SPATA6: variants seen among roughly 807,000 people sequenced by gnomAD.
The protein encoded by SPATA6 is spermatogenesis associated 6.
SPATA6 carries 56 observed loss-of-function variants against 65.3 expected under a neutral mutation model. That is an observed-to-expected ratio of 0.86 (90% CI 0.69 to 1.07). The LOEUF (loss-of-function observed/expected upper bound fraction) is 1.07, where lower values mean the gene tolerates loss of function less well. Among genes scored for constraint, SPATA6 ranks in the 50% least tolerant of loss-of-function variants. The pLI, the probability that SPATA6 is intolerant of heterozygous loss-of-function variation, is 0.00. For missense variants in SPATA6, 590 were observed against 594.8 expected, an observed-to-expected ratio of 0.99 and a Z score of 0.08; for synonymous variants, 199 against 213.2, an observed-to-expected ratio of 0.93 and a Z score of 0.58.
At chr1:48,439,208 T>C (rs1404381016) in intron 3 of SPATA6, among the ~76,000 whole-genome samples, 1 of 152,186 alleles carries the variant, frequency 6.6e-6, no homozygotes, top group Admixed American at 6.5e-5. Context: ...TTCTCGGTAC[T>C]CTTTGTGGTC....
rs370238723 is a variant in SPATA6 at position 48,451,167 on chromosome 1, T to C, written c.238+385A>G. Among the ~76,000 whole-genome samples, 19 of 152,356 alleles carry C rather than the reference T, an allele frequency of 1.2e-4. No individual in the cohort carries two copies. The East Asian group carries it at 3.3e-3, about 26-fold the overall frequency. On this transcript the variant is annotated intron_variant, in intron 3 of 12. Transcript: ENST00000371847. ...TTAAGCTACCATTACTTTGATCTGT[T>C]ATTCACTCTCTTGACTTGAAATACA...
At chr1:48,437,711 G>T (rs1655068148) in intron 3 of SPATA6, among the ~76,000 whole-genome samples, 1 of 151,720 alleles carries the variant, frequency 6.6e-6, no homozygotes, top group Non-Finnish European at 1.5e-5. Context: ...TTTTTCTTCT[G>T]TTAATACTTA....
chr1:48,279,206 G>A, the SPATA6 span, among the ~76,000 whole-genome samples: 16 of 152,106 alleles, frequency 1.1e-4, no homozygotes, highest in African/African-American at 2.2e-4. Flanking sequence ...AGGAACAACC[G>A]GTATCAGCCA....
In SPATA6 at chr1:48,399,653, A is replaced by G. The variant is rs1305241559; in HGVS notation, c.487-9T>C. ...TGGTAAATAAATTTATCCTAAACAT[A>G]AAAAATAAAAATTAACTTGGTCAAA... is the stretch of plus-strand genomic sequence containing the variant. On this transcript the variant is annotated splice_polypyrimidine_tract_variant and intron_variant, in intron 6 of 12. Coordinates refer to ENST00000371847, the MANE Select transcript of SPATA6 (RefSeq NM_019073.4). 1 of 1,551,138 alleles carries G rather than the reference A, an allele frequency of 6.4e-7. No individual in the cohort carries two copies. The highest frequency in any genetic ancestry group is 1.2e-5 in the South Asian group (1 of 81,350).
At position 48,385,338 on chromosome 1, in the gene SPATA6, G is replaced by A. The variant is rs144534669; in HGVS notation, c.880C>T (p.Leu294Phe). The A allele has an allele frequency of 1.7e-5, 28 of 1,608,394 alleles. 1 individual carries two copies. The highest frequency in any genetic ancestry group is 1.5e-4 in the African/African-American group (11 of 74,870). The change falls in exon 9 of 13, where the codon CTT (leucine) becomes TTT (phenylalanine). Residue 294 changes from leucine to phenylalanine, a missense_variant. Coordinates refer to ENST00000371847, the MANE Select transcript of SPATA6 (RefSeq NM_019073.4). ...WSRVHNDHSH[L>F]GCCRPKDYKV... ...TAATCCTTGGGTCGGCAGCAGCCAA[G>A]ATGAGAATGATCTGAAAAAGGAAGT...
chr1:48,300,993 G>A (rs1236470413), intron 12 of SPATA6, among the ~76,000 whole-genome samples: 1 of 151,984 alleles, frequency 6.6e-6, no homozygotes, highest in Non-Finnish European at 1.5e-5. Flanking sequence ...GGACAAAGAT[G>A]CCCACTTTCG....
chr1:48,331,551 A>T (rs1645914759), intron 11 of SPATA6, among the ~76,000 whole-genome samples: 1 of 151,772 alleles, frequency 6.6e-6, no homozygotes, highest in Non-Finnish European at 1.5e-5. Context: ...AATGAACAGA[A>T]CCTCCTGGAA....
intron 12 of SPATA6, among the ~76,000 whole-genome samples, chr1:48,304,083 A>G (rs1001210712): frequency 1.5e-4 from 23 of 152,330 alleles, no homozygotes; most frequent in African/African-American, 4.6e-4. Context: ...AACCTTTGAG[A>G]TGGAAAGCAG....
chr1:48,267,752 GTTTTTTTTTTTTTTT>G, the SPATA6 span, among the ~76,000 whole-genome samples: 1 of 72,676 alleles, frequency 1.4e-5, no homozygotes, highest in African/African-American at 5.6e-5. Context: ...TAGGGTCTGG[GTTTTTTTTTTTTTTT>G]TTTTTTTTTT....
At chr1:48,346,757 C>G (rs1646376545) in intron 11 of SPATA6, among the ~76,000 whole-genome samples, 1 of 151,872 alleles carries the variant, frequency 6.6e-6, no homozygotes, top group African/African-American at 2.4e-5. Context: ...TACAGCTAAC[C>G]AGGGAGGTGA....
At chr1:48,403,757 C>T (rs116465190) in intron 6 of SPATA6, 45 bp downstream of exon 6, 1 of 1,472,338 alleles carries the variant, frequency 6.8e-7, no homozygotes, top group Non-Finnish European at 9.2e-7. Context: ...ACAAATATGA[C>T]CAAATAAATT....
rs897648344 is a variant in SPATA6 at position 48,314,566 on chromosome 1, C to A, written c.1195-8688G>T. Among the ~76,000 whole-genome samples, 21 of 152,142 alleles carry A rather than the reference C, an allele frequency of 1.4e-4. 1 individual carries two copies. Among genetic ancestry groups the A allele is most frequent in the African/African-American group, 5.1e-4 (21 of 41,440 alleles). On this transcript the variant is annotated intron_variant, in intron 11 of 12. Transcript: ENST00000371847. ...ACTGTGTAGCGGGAAATTTATAGCA[C>A]TAAATGCCCACAAGAGAAAGCAGGA...
chr1:48,446,258 G>A lies in SPATA6; in HGVS notation c.238+5294C>T, dbSNP rs185860678. On this transcript the variant is annotated intron_variant, in intron 3 of 12. Transcript: ENST00000371847. The stretch of plus-strand genomic sequence containing the variant: ...TCACTGAAAAAGAAATCACTCTACT[G>A]CCGTGCCAGTGGTATATACTGAAAA... Among the ~76,000 whole-genome samples, 225 of 152,266 alleles carry A rather than the reference G, an allele frequency of 1.5e-3. 3 individuals are homozygous for A. The highest frequency in any genetic ancestry group is 5.2e-3 in the African/African-American group (215 of 41,550).
At chr1:48,315,501 A>G (rs1448660082) in intron 11 of SPATA6, among the ~76,000 whole-genome samples, 1 of 152,220 alleles carries the variant, frequency 6.6e-6, no homozygotes, top group East Asian at 1.9e-4. Flanking sequence ...CCTTCATGCT[A>G]AAAACTCTCA....
At chr1:48,361,482 A>G (rs969388157) in intron 9 of SPATA6, among the ~76,000 whole-genome samples, 3 of 152,168 alleles carry the variant, frequency 2.0e-5, no homozygotes, top group Non-Finnish European at 4.4e-5. Flanking sequence ...GTTGAATTCA[A>G]GAGAGAATAA....
the SPATA6 span, among the ~76,000 whole-genome samples, chr1:48,279,780 G>C: frequency 3.3e-5 from 5 of 152,080 alleles, no homozygotes; most frequent in Non-Finnish European, 5.9e-5. Context: ...CAACGAGACA[G>C]AAAGTTAACA....
At chr1:48,414,680 T>C (rs78063043) in intron 3 of SPATA6, among the ~76,000 whole-genome samples, 8,422 of 152,252 alleles carry the variant, frequency 0.055, 331 homozygotes, top group African/African-American at 0.1. Flanking sequence ...AACCTGATCA[T>C]AGGACTGTAG....
chr1:48,280,007 T>C, the SPATA6 span, among the ~76,000 whole-genome samples: 1 of 152,114 alleles, frequency 6.6e-6, no homozygotes, highest in Non-Finnish European at 1.5e-5. Flanking sequence ...GCAATCAAAC[T>C]AGAACTCAGG....
intron 1 of SPATA6, among the ~76,000 whole-genome samples, chr1:48,471,201 G>A (rs1176582672): frequency 6.6e-6 from 1 of 152,218 alleles, no homozygotes; most frequent in Non-Finnish European, 1.5e-5. Flanking sequence ...GACTTCCACA[G>A]GAGGATGGAG....
Sources: allele counts gnomAD v4.1 joint callset (sites outside exome capture counted in the v4.1 genomes callset), GRCh38; gene constraint gnomAD v4.1.1; transcripts MANE v1.5; gene names NCBI Gene and HGNC (gene_info 2026-07-23, HGNC 2026-07-21).